The following CNTN6 variants were observed in gnomAD, a reference collection of about 807,000 sequenced individuals.
CNTN6 encodes the protein contactin-6.
CNTN6 carries 137 observed loss-of-function variants against 122.8 expected under a neutral mutation model. The observed-to-expected ratio is 1.12, with a 90% CI of 0.97 to 1.29. CNTN6 has a LOEUF of 1.29. Ranked by LOEUF, CNTN6 falls within the 50% of genes most tolerant of loss-of-function variation. The pLI is 0.00. For synonymous variants in CNTN6, 570 were observed against 426.0 expected, an observed-to-expected ratio of 1.34 and a Z score of -4.16; for missense variants, 1,634 against 1,223.4, an observed-to-expected ratio of 1.34 and a Z score of -5.01.
intron 12 of CNTN6, among the ~76,000 whole-genome samples, chr3:1,356,613 A>C (rs1055945955): frequency 9.2e-5 from 14 of 151,882 alleles, no homozygotes; most frequent in Admixed American, 7.9e-4. Context: ...GTACACTTTC[A>C]GAGAAATGAC....
chr3:1,171,341 TA>T (rs2093354233), intron 2 of CNTN6, among the ~76,000 whole-genome samples: 1 of 152,180 alleles, frequency 6.6e-6, no homozygotes, highest in African/African-American at 2.4e-5. Flanking sequence ...AAAATACAGC[TA>T]AAATAACCCA....
At chr3:1,306,675 G>A (rs1209437572) in intron 7 of CNTN6, among the ~76,000 whole-genome samples, 1 of 152,104 alleles carries the variant, frequency 6.6e-6, no homozygotes, top group East Asian at 1.9e-4. Flanking sequence ...ACAGCAGAAT[G>A]TTTGTAAGGA....
intron 7 of CNTN6, among the ~76,000 whole-genome samples, chr3:1,316,308 A>G (rs1045193818): frequency 6.6e-6 from 1 of 151,920 alleles, no homozygotes; most frequent in Non-Finnish European, 1.5e-5. Flanking sequence ...AGGAAGCATA[A>G]CAGCTTCTGC....
chr3:1,120,058 C>CT (rs2125056176), intron 1 of CNTN6, among the ~76,000 whole-genome samples: 2 of 152,034 alleles, frequency 1.3e-5, no homozygotes, highest in African/African-American at 4.8e-5. Context: ...AAATCACTAC[C>CT]TTTTTCCTTT....
chr3:1,371,320 T>A (rs886950100), intron 12 of CNTN6, among the ~76,000 whole-genome samples: 2 of 152,090 alleles, frequency 1.3e-5, no homozygotes, highest in Non-Finnish European at 2.9e-5. Flanking sequence ...GTCATTTCAC[T>A]ATTTTTAAAC....
At chr3:1,385,837 G>A in intron 20 of CNTN6, 40 bp downstream of exon 20, 1 of 1,526,062 alleles carries the variant, frequency 6.6e-7, no homozygotes, top group Admixed American at 2.1e-5. Context: ...ATTCATCTGT[G>A]AAGAGCAACC....
intron 5 of CNTN6, among the ~76,000 whole-genome samples, chr3:1,287,032 A>G (rs1319896546): frequency 2.6e-5 from 4 of 152,190 alleles, no homozygotes; most frequent in African/African-American, 9.7e-5. Flanking sequence ...TATCCTAAAT[A>G]TATATGCACC....
At chr3:1,337,882 C>A (rs1471643557) in intron 11 of CNTN6, among the ~76,000 whole-genome samples, 1 of 152,090 alleles carries the variant, frequency 6.6e-6, no homozygotes, top group Non-Finnish European at 1.5e-5. Context: ...TTTTCATTTT[C>A]CCCTCTTGCC....
intron 4 of CNTN6, among the ~76,000 whole-genome samples, chr3:1,265,991 G>A (rs1219460240): frequency 6.6e-6 from 1 of 151,068 alleles, no homozygotes; most frequent in Non-Finnish European, 1.5e-5. Flanking sequence ...ACTTTAAAAG[G>A]CAATACATAG....
intron 1 of CNTN6, among the ~76,000 whole-genome samples, chr3:1,135,957 A>C (rs1298750741): frequency 1.3e-5 from 2 of 152,140 alleles, no homozygotes; most frequent in African/African-American, 4.8e-5. Context: ...GCGCCACTGC[A>C]CTCCAGCCTG....
At chr3:1,186,908 A>C (rs1484631194) in intron 2 of CNTN6, among the ~76,000 whole-genome samples, 2 of 152,018 alleles carry the variant, frequency 1.3e-5, no homozygotes, top group African/African-American at 2.4e-5. Context: ...CCCTCTGCCC[A>C]AATACAGATA....
At chr3:1,102,680 A>G (rs1468682970) in intron 1 of CNTN6, among the ~76,000 whole-genome samples, 1 of 149,938 alleles carries the variant, frequency 6.7e-6, no homozygotes, top group Admixed American at 6.6e-5. Flanking sequence ...GTGAGCAGAG[A>G]TGGCGCCACC....
intron 4 of CNTN6, among the ~76,000 whole-genome samples, chr3:1,276,684 C>G (rs899044184): frequency 3.0e-4 from 46 of 152,166 alleles, no homozygotes; most frequent in African/African-American, 9.7e-4. Context: ...GCATGGCTGT[C>G]TCTTTCTCAT....
At chr3:1,170,441 A>C (rs564504884) in intron 2 of CNTN6, among the ~76,000 whole-genome samples, 1 of 152,096 alleles carries the variant, frequency 6.6e-6, no homozygotes, top group African/African-American at 2.4e-5. Context: ...TCGAGTGTCT[A>C]TTTAAATAAC....
intron 2 of CNTN6, among the ~76,000 whole-genome samples, chr3:1,202,540 CAA>C (rs761799282): frequency 1.1e-4 from 8 of 73,796 alleles, no homozygotes; most frequent in South Asian, 3.8e-4. Context: ...GACTCCGTCT[CAA>C]AAAATAAATA....
chr3:1,188,325 C>T (rs6442270), intron 2 of CNTN6, among the ~76,000 whole-genome samples: 2 of 151,970 alleles, frequency 1.3e-5, no homozygotes, highest in African/African-American at 2.4e-5. Flanking sequence ...CTCTTATAAC[C>T]CTGTCCCCCA....
chr3:1,352,049 G>A (rs1201589230), intron 11 of CNTN6, among the ~76,000 whole-genome samples: 2 of 151,782 alleles, frequency 1.3e-5, no homozygotes, highest in Non-Finnish European at 2.9e-5. Context: ...ACCAAGCACT[G>A]CTTTTATTTT....
At chr3:1,141,092 C>T (rs1393627837) in intron 1 of CNTN6, among the ~76,000 whole-genome samples, 4 of 152,082 alleles carry the variant, frequency 2.6e-5, no homozygotes, top group Admixed American at 6.6e-5. Context: ...TAAATAACTC[C>T]GTGAATGCTA....
intron 4 of CNTN6, among the ~76,000 whole-genome samples, chr3:1,267,625 G>T (rs2094947466): frequency 6.6e-6 from 1 of 152,164 alleles, no homozygotes; most frequent in African/African-American, 2.4e-5. Flanking sequence ...ATCCAAGTAG[G>T]AAGTAAGAAG....
Sources: gnomAD v4.1 joint callset for allele counts (sites outside exome capture counted in the v4.1 genomes callset) on GRCh38, gnomAD v4.1.1 for gene constraint, MANE v1.5 for transcripts, NCBI Gene and HGNC (gene_info 2026-07-23, HGNC 2026-07-21) for gene names.